Variants in YTHDC2 observed in about 807,000 individuals in gnomAD.
YTHDC2 encodes the protein YTH N6-methyladenosine RNA binding protein C2, also known as 3'-5' RNA helicase YTHDC2.
A neutral mutation model predicts 174.9 loss-of-function variants in YTHDC2; 45 were observed. The ratio of observed to expected loss-of-function variants is 0.26; its 90% CI spans 0.20 to 0.33. The LOEUF is 0.33. YTHDC2 is among the 10% of genes least tolerant of loss of function. YTHDC2 has a pLI of 1.00. For missense variants in YTHDC2, 1,650 were observed against 1,723.7 expected (o/e 0.96, Z 0.76); for synonymous variants, 657 against 574.5 (o/e 1.14, Z -2.05).
intron 2 of YTHDC2, among the ~76,000 whole-genome samples, chr5:113,523,688 C>T (rs775375728): frequency 2.6e-5 from 4 of 151,968 alleles, no homozygotes; most frequent in Non-Finnish European, 5.9e-5. Flanking sequence ...TAAGGAGTTT[C>T]CAGAAATCAA....
At chr5:113,568,498 A>G (rs1777501574) in intron 23 of YTHDC2, among the ~76,000 whole-genome samples, 1 of 152,004 alleles carries the variant, frequency 6.6e-6, no homozygotes, top group South Asian at 2.1e-4. Flanking sequence ...TCCATTAGCT[A>G]TTCTTCCTGA....
chr5:113,541,772 C>G (rs79679737), intron 9 of YTHDC2, among the ~76,000 whole-genome samples: 4 of 151,488 alleles, frequency 2.6e-5, no homozygotes, highest in African/African-American at 2.4e-5. Flanking sequence ...TAGATATGCA[C>G]GCTAAATATA....
At chr5:113,571,301 A>T (rs1010525936) in intron 23 of YTHDC2, among the ~76,000 whole-genome samples, 1 of 152,188 alleles carries the variant, frequency 6.6e-6, no homozygotes, top group African/African-American at 2.4e-5. Context: ...CATATGTTGA[A>T]CCAGCCTTGC....
At chr5:113,579,140 A>G (rs754964946) in intron 23 of YTHDC2, among the ~76,000 whole-genome samples, 4 of 151,378 alleles carry the variant, frequency 2.6e-5, no homozygotes, top group Admixed American at 6.6e-5. Flanking sequence ...ATTTTCTTCT[A>G]CTTTTCTTTG....
At chr5:113,589,411 ATAT>A (rs1561714030) in intron 26 of YTHDC2, among the ~76,000 whole-genome samples, 2,505 of 65,122 alleles carry the variant, frequency 0.038, 92 homozygotes, top group African/African-American at 0.092. Flanking sequence ...AAAAAAAAAT[ATAT>A]ATATATATAT....
chr5:113,539,586 A>T (rs186169682), intron 8 of YTHDC2, among the ~76,000 whole-genome samples: 171 of 152,326 alleles, frequency 1.1e-3, no homozygotes, highest in African/African-American at 3.9e-3. Flanking sequence ...AATCTTGATG[A>T]TGTTACAGGA....
intron 16 of YTHDC2, 89 bp from the exon 17 acceptor site, chr5:113,555,963 T>C: frequency 1.4e-6 from 1 of 695,546 alleles, no homozygotes; most frequent in Non-Finnish European, 2.3e-6. Flanking sequence ...ATTAAACTTT[T>C]GGCATGTTAA....
chr5:113,515,736 G>A (rs1773375780), intron 2 of YTHDC2, among the ~76,000 whole-genome samples: 1 of 152,112 alleles, frequency 6.6e-6, no homozygotes, highest in Non-Finnish European at 1.5e-5. Flanking sequence ...CTCAAACATG[G>A]GGCTTATGTG....
Position 113,513,725 on chromosome 5 carries a change from A to AG in YTHDC2, c.-169dup. 1.5e-6 allele frequency: 1 copy of AG among 687,050 alleles called. No individual in the cohort carries two copies. Among genetic ancestry groups the AG allele is most frequent in the Non-Finnish European group, 2.3e-6 (1 of 441,356 alleles). 42.6% of individuals were successfully genotyped at this position (687,050 alleles called of 1,614,324 possible). A position where few individuals can be genotyped will look rare whatever the true frequency, so the allele number is the denominator to read the frequency against. On this transcript the variant is annotated 5_prime_UTR_variant, in exon 1 of 30. It removes the in-frame stop codon of an upstream open reading frame in the 5' UTR. Coordinates refer to ENST00000161863, the MANE Select transcript of YTHDC2 (RefSeq NM_022828.5). ...CGCCTGGCCGTGATATCAATGGCGC[A>AG]GGCTTCACTTCTGCTGTGGCGGTGA...
At chr5:113,573,054 C>T (rs1360222184) in intron 23 of YTHDC2, among the ~76,000 whole-genome samples, 1 of 152,168 alleles carries the variant, frequency 6.6e-6, no homozygotes, top group East Asian at 1.9e-4. Flanking sequence ...GTGGTTGCTT[C>T]ATAGTGTTAC....
intron 3 of YTHDC2, among the ~76,000 whole-genome samples, chr5:113,526,136 G>A (rs1043057817): frequency 5.3e-5 from 8 of 151,794 alleles, no homozygotes; most frequent in Non-Finnish European, 7.4e-5. Flanking sequence ...ATATGTTTTC[G>A]TAATGTACGT....
rs997728041 is a variant in YTHDC2 at position 113,513,775 on chromosome 5, C to G, written c.-121C>G. 3.4e-5 allele frequency: 39 copies of G among 1,143,148 alleles called. No individual in the cohort carries two copies. Among genetic ancestry groups the G allele is most frequent in the Non-Finnish European group, 4.6e-5 (39 of 839,904 alleles). 70.8% of individuals were successfully genotyped at this position (1,143,148 alleles called of 1,614,324 possible). ...ACTGAGGCCTTTCTGGTGACCTCAGCCCAACACAGGCCGTCTCCGGAGCTT... is the reference window on the plus strand; with the variant it reads ...ACTGAGGCCTTTCTGGTGACCTCAGGCCAACACAGGCCGTCTCCGGAGCTT... On this transcript the variant is annotated 5_prime_UTR_variant, in exon 1 of 30. Transcript: ENST00000161863.
Position 113,548,682 on chromosome 5 carries a change from C to T in YTHDC2, c.1622+15C>T, listed in dbSNP as rs1292683930. 9 of 1,600,922 alleles carry T rather than the reference C, an allele frequency of 5.6e-6. No individual in the cohort carries two copies. Among genetic ancestry groups the T allele is most frequent in the African/African-American group, 2.7e-5 (2 of 74,306 alleles). ...TCAAATGGCTGGTAATTTTAAACTA[C>T]GTTGATTCTTCATATATCTTTGTAT... On this transcript the variant is annotated intron_variant, in intron 11 of 29. Coordinates refer to ENST00000161863, the MANE Select transcript of YTHDC2 (RefSeq NM_022828.5).
chr5:113,515,313 T>C lies in YTHDC2; in HGVS notation c.229T>C (p.Phe77Leu). 1 of 1,612,994 alleles carries C rather than the reference T, an allele frequency of 6.2e-7. No homozygotes were observed. Among genetic ancestry groups the C allele is most frequent in the Non-Finnish European group, 8.5e-7 (1 of 1,179,786 alleles). Residue 77 changes from phenylalanine to leucine, a missense_variant, in exon 2 of 30, where the codon TTT (phenylalanine) becomes CTT (leucine). Phe to Leu is a conservative substitution (Grantham distance 22). Transcript: ENST00000161863. ...TTCTTTGACCAGTACTGAAAGAGCC[T>C]TTATTCATCGACTCAGTCAGTCTCT... Reference protein sequence around the residue: ...PSSLTSTERAFIHRLSQSLGL... With the variant: ...PSSLTSTERALIHRLSQSLGL...
intron 16 of YTHDC2, among the ~76,000 whole-genome samples, chr5:113,555,331 A>G (rs1001895925): frequency 1.6e-5 from 2 of 125,504 alleles, no homozygotes; most frequent in African/African-American, 4.9e-5. Context: ...ATAAACTATT[A>G]TGCAAACATT....
chr5:113,521,916 A>C (rs1314060720), intron 2 of YTHDC2, among the ~76,000 whole-genome samples: 3 of 151,818 alleles, frequency 2.0e-5, no homozygotes, highest in Non-Finnish European at 4.4e-5. Flanking sequence ...TGGCGACAAC[A>C]TGAAGTGAAC....
intron 28 of YTHDC2, 66 bp from the exon 29 acceptor site, chr5:113,593,237 G>T: frequency 8.6e-7 from 1 of 1,161,566 alleles, no homozygotes. Context: ...ATCAGTGTAG[G>T]TTTTGGTCAT....
chr5:113,541,192 ATTTT>A, intron 9 of YTHDC2, 76 bp downstream of exon 9: 483 of 1,279,900 alleles, frequency 3.8e-4, no homozygotes, highest in Admixed American at 1.1e-3. Context: ...TGAGCTTATA[ATTTT>A]TTTTTTTTTT....
intron 10 of YTHDC2, among the ~76,000 whole-genome samples, chr5:113,547,687 G>A (rs1775981152): frequency 6.6e-6 from 1 of 152,132 alleles, no homozygotes; most frequent in South Asian, 2.1e-4. Context: ...GAAAGCCTGA[G>A]GCAATTTTCT....
Sources: allele counts gnomAD v4.1 joint callset (sites outside exome capture counted in the v4.1 genomes callset), GRCh38; gene constraint gnomAD v4.1.1; transcripts MANE v1.5; gene names NCBI Gene and HGNC (gene_info 2026-07-23, HGNC 2026-07-21).